Variants in NBAS observed in about 807,000 individuals in gnomAD.
NBAS encodes NAG/BC035112 fusion.
Under a neutral mutation model 302.5 loss-of-function variants are expected in NBAS, and 219 were observed. That is an observed-to-expected ratio of 0.72 (90% confidence interval 0.65 to 0.81). NBAS has a LOEUF of 0.81. NBAS is among the 30% of genes least tolerant of loss of function. The pLI is 0.00. For synonymous variants in NBAS, 1,118 were observed against 1,021.6 expected, an observed-to-expected ratio of 1.09 and a Z score of -1.80; for missense variants, 2,932 against 2,841.6, an observed-to-expected ratio of 1.03 and a Z score of -0.72.
chr2:15,144,065 A>ATATATATAT, the NBAS span, among the ~76,000 whole-genome samples: 86 of 121,634 alleles, frequency 7.1e-4, 2 homozygotes, highest in East Asian at 9.8e-3. Context: ...ATATATATAT[A>ATATATATAT]TATCTCCCAT....
intron 11 of NBAS, among the ~76,000 whole-genome samples, chr2:15,494,471 G>T (rs914880518): frequency 2.0e-5 from 3 of 152,152 alleles, no homozygotes; most frequent in African/African-American, 7.2e-5. Flanking sequence ...GATTCTACCT[G>T]AATCCATAAT....
At chr2:15,202,140 A>G (rs1007842211) in intron 48 of NBAS, among the ~76,000 whole-genome samples, 9 of 152,210 alleles carry the variant, frequency 5.9e-5, no homozygotes, top group East Asian at 1.9e-4. Flanking sequence ...GAGAAACCCA[A>G]TGAAAGAACA....
chr2:15,124,721 C>A, the NBAS span, among the ~76,000 whole-genome samples: 1 of 152,352 alleles, frequency 6.6e-6, no homozygotes, highest in East Asian at 1.9e-4. Context: ...CCAGGTACAG[C>A]TTGGACTGCG....
At chr2:15,363,052 G>A (rs897757725) in intron 32 of NBAS, among the ~76,000 whole-genome samples, 3 of 152,200 alleles carry the variant, frequency 2.0e-5, no homozygotes, top group Non-Finnish European at 2.9e-5. Context: ...GTGAGACCCC[G>A]TCTCTGTAAA....
At chr2:14,907,824 T>C in the NBAS span, among the ~76,000 whole-genome samples, 2 of 152,246 alleles carry the variant, frequency 1.3e-5, no homozygotes, top group African/African-American at 4.8e-5. Context: ...GAGTTAACTT[T>C]ATCAGCTCTG....
rs559344021 is a variant in NBAS at position 15,427,500 on chromosome 2, A to AT, written c.2423+210dup. Among the ~76,000 whole-genome samples, 11 of 152,310 alleles carry AT rather than the reference A, an allele frequency of 7.2e-5. 1 individual carries two copies. The South Asian group carries it at 1.5e-3, about 20-fold the overall frequency. On this transcript the variant is annotated intron_variant, in intron 22 of 51. Transcript: ENST00000281513. Reference sequence around the variant, plus strand: ...GAAAACAGTTGTTGTAATAAGCACCATTTTTTAACATAATTCCTTTGTAGT... The same window carrying AT: ...GAAAACAGTTGTTGTAATAAGCACCATTTTTTTAACATAATTCCTTTGTAGT...
intron 35 of NBAS, among the ~76,000 whole-genome samples, chr2:15,334,126 A>G (rs1285518884): frequency 6.6e-6 from 1 of 152,130 alleles, no homozygotes; most frequent in Non-Finnish European, 1.5e-5. Flanking sequence ...TGAGGAACAA[A>G]TAAGTTAAAT....
At chr2:15,097,050 C>G in the NBAS span, among the ~76,000 whole-genome samples, 5 of 152,158 alleles carry the variant, frequency 3.3e-5, no homozygotes, top group African/African-American at 1.2e-4. Flanking sequence ...AGCTGCCAAG[C>G]TGAGCAAAGT....
chr2:15,330,770 A>T lies in NBAS; in HGVS notation c.4180-5T>A. The T allele has an allele frequency of 1.2e-6, 2 of 1,613,608 alleles. No homozygotes were observed. The highest frequency in any genetic ancestry group is 1.7e-6 in the Non-Finnish European group (2 of 1,179,732). ...ACCTGGAACACCTACTTCATCCTGT[A>T]TTAAAGAAACAAAATAGCAAGGGCA... On this transcript the variant is annotated splice_region_variant and splice_polypyrimidine_tract_variant and intron_variant, in intron 35 of 51. Transcript: ENST00000281513.
At chr2:14,989,375 T>C in the NBAS span, among the ~76,000 whole-genome samples, 2 of 151,044 alleles carry the variant, frequency 1.3e-5, no homozygotes, top group African/African-American at 4.9e-5. Flanking sequence ...CTGGCCAACA[T>C]GGTGAAACCC....
At chr2:15,392,925 T>C (rs949897441) in intron 28 of NBAS, among the ~76,000 whole-genome samples, 1 of 151,852 alleles carries the variant, frequency 6.6e-6, no homozygotes, top group Non-Finnish European at 1.5e-5. Context: ...AATAAATGGA[T>C]CAATGGAACA....
At chr2:15,559,967 C>G (rs1335537743) in intron 1 of NBAS, among the ~76,000 whole-genome samples, 1 of 152,118 alleles carries the variant, frequency 6.6e-6, no homozygotes, top group Non-Finnish European at 1.5e-5. Context: ...GTAATATATG[C>G]AGATCTCTAC....
At chr2:15,452,964 T>C (rs1447926744) in intron 21 of NBAS, among the ~76,000 whole-genome samples, 1 of 152,204 alleles carries the variant, frequency 6.6e-6, no homozygotes, top group Non-Finnish European at 1.5e-5. Context: ...AGTCTTGTTA[T>C]TTTAAAAAAA....
the NBAS span, among the ~76,000 whole-genome samples, chr2:14,828,731 G>A: frequency 6.6e-6 from 1 of 152,194 alleles, no homozygotes; most frequent in Non-Finnish European, 1.5e-5. Flanking sequence ...AGGAAGAAGT[G>A]AATGAATTTA....
chr2:15,201,143 T>C (rs1461244535), intron 48 of NBAS, among the ~76,000 whole-genome samples: 2 of 152,204 alleles, frequency 1.3e-5, no homozygotes, highest in African/African-American at 4.8e-5. Flanking sequence ...CCATAAGAAC[T>C]GGTAAGCTGT....
At chr2:15,275,270 T>C (rs536830163) in intron 44 of NBAS, among the ~76,000 whole-genome samples, 21 of 152,292 alleles carry the variant, frequency 1.4e-4, no homozygotes, top group Admixed American at 1.3e-3. Context: ...ATGAGAATAG[T>C]CATCTCTATT....
chr2:15,169,541 C>G (rs1572387656), intron 51 of NBAS, among the ~76,000 whole-genome samples: 1 of 152,308 alleles, frequency 6.6e-6, no homozygotes, highest in East Asian at 1.9e-4. Flanking sequence ...GACATCCCTT[C>G]AAGACAGTTC....
the NBAS span, among the ~76,000 whole-genome samples, chr2:14,881,447 T>C: frequency 6.6e-6 from 1 of 152,150 alleles, no homozygotes; most frequent in Non-Finnish European, 1.5e-5. Flanking sequence ...TCACTAGAAG[T>C]CTAAACCCCA....
At chr2:15,476,134 A>C (rs1680181828) in intron 13 of NBAS, among the ~76,000 whole-genome samples, 1 of 152,174 alleles carries the variant, frequency 6.6e-6, no homozygotes, top group African/African-American at 2.4e-5. Context: ...TAAGGATACA[A>C]AGGCAAATAA....
Sources: gnomAD v4.1 joint callset for allele counts (sites outside exome capture counted in the v4.1 genomes callset) on GRCh38, gnomAD v4.1.1 for gene constraint, MANE v1.5 for transcripts, NCBI Gene and HGNC (gene_info 2026-07-23, HGNC 2026-07-21) for gene names.